The following FOXN3 variants were observed in gnomAD, a reference collection of about 807,000 sequenced individuals.
FOXN3 encodes forkhead box N3.
In FOXN3, 7 loss-of-function variants were observed where a neutral mutation model predicts 38.4. The ratio of observed to expected loss-of-function variants is 0.18; its 90% CI spans 0.10 to 0.34. The LOEUF is 0.34. Ranked by LOEUF, FOXN3 falls within the 10% of genes least tolerant of loss-of-function variation. The pLI is 1.00. For missense variants in FOXN3, 456 were observed against 613.4 expected (o/e 0.74, Z 2.71); for synonymous variants, 230 against 242.2 (o/e 0.95, Z 0.47).
At chr14:89,480,965 G>A (rs749439411) in intron 1 of FOXN3, among the ~76,000 whole-genome samples, 12 of 152,122 alleles carry the variant, frequency 7.9e-5, no homozygotes, top group Non-Finnish European at 1.2e-4. Context: ...GATTTTGTGG[G>A]TTTGGTTTTG....
chr14:89,611,761 G>T (rs936551746), intron 1 of FOXN3, among the ~76,000 whole-genome samples: 1 of 147,678 alleles, frequency 6.8e-6, no homozygotes, highest in South Asian at 2.1e-4. Flanking sequence ...AGCCGAGATC[G>T]TGCCACTGCA....
intron 1 of FOXN3, among the ~76,000 whole-genome samples, chr14:89,517,171 T>C (rs1030033892): frequency 6.6e-6 from 1 of 152,030 alleles, no homozygotes. Context: ...ACCAGACAGA[T>C]GGTCAACATG....
At chr14:89,366,030 T>A (rs867830290) in intron 2 of FOXN3, among the ~76,000 whole-genome samples, 4 of 152,086 alleles carry the variant, frequency 2.6e-5, no homozygotes, top group Non-Finnish European at 4.4e-5. Context: ...GGCGGGTGGA[T>A]CACGAGGTCA....
chr14:89,391,730 C>T (rs940061792), intron 2 of FOXN3, among the ~76,000 whole-genome samples: 8 of 152,140 alleles, frequency 5.3e-5, no homozygotes, highest in South Asian at 2.1e-4. Flanking sequence ...CCTGGCCGGG[C>T]GCGGTGGCTC....
intron 3 of FOXN3, among the ~76,000 whole-genome samples, chr14:89,322,537 A>T (rs1026842664): frequency 6.6e-6 from 1 of 152,188 alleles, no homozygotes; most frequent in Non-Finnish European, 1.5e-5. Flanking sequence ...AGGGGGCTGC[A>T]GAGGGAAGAA....
intron 3 of FOXN3, among the ~76,000 whole-genome samples, chr14:89,287,749 T>A (rs1886675766): frequency 3.9e-5 from 5 of 129,702 alleles, no homozygotes; most frequent in African/African-American, 5.9e-5. Context: ...TAAAGAATGC[T>A]AAAAAAAAAA....
chr14:89,211,308 A>G (rs780881246), intron 4 of FOXN3, among the ~76,000 whole-genome samples: 34 of 152,250 alleles, frequency 2.2e-4, no homozygotes, highest in Non-Finnish European at 3.8e-4. Context: ...TATTAACTAA[A>G]GGTAATAGGA....
chr14:89,188,234 C>A (rs1214203840), intron 4 of FOXN3, among the ~76,000 whole-genome samples: 3 of 152,180 alleles, frequency 2.0e-5, no homozygotes, highest in Non-Finnish European at 4.4e-5. Context: ...CGTGGCTACC[C>A]TGGAAAAAGA....
chr14:89,316,424 T>C (rs904109626), intron 3 of FOXN3, among the ~76,000 whole-genome samples: 2 of 152,148 alleles, frequency 1.3e-5, no homozygotes, highest in Non-Finnish European at 2.9e-5. Flanking sequence ...GGCTAGATCA[T>C]GGCTCACTGC....
upstream of FOXN3, among the ~76,000 whole-genome samples, chr14:89,418,487 A>T (rs542620715): frequency 7.4e-6 from 1 of 135,948 alleles, no homozygotes; most frequent in Admixed American, 8.2e-5. Context: ...TTCAGCAAAG[A>T]TGTGCCTTTC....
intron 1 of FOXN3, among the ~76,000 whole-genome samples, chr14:89,603,148 G>A (rs1451576353): frequency 6.6e-6 from 1 of 152,090 alleles, no homozygotes; most frequent in East Asian, 1.9e-4. Context: ...AGCCACATCT[G>A]GGCCTAGCCA....
At chr14:89,447,075 A>G (rs1283478270) in intron 1 of FOXN3, among the ~76,000 whole-genome samples, 3 of 152,046 alleles carry the variant, frequency 2.0e-5, no homozygotes, top group Non-Finnish European at 4.4e-5. Flanking sequence ...ATGCACCTGT[A>G]GTCCCAGCTA....
At chr14:89,551,368 G>A (rs1722643073) in intron 1 of FOXN3, among the ~76,000 whole-genome samples, 3 of 152,162 alleles carry the variant, frequency 2.0e-5, no homozygotes, top group Admixed American at 6.6e-5. Context: ...AATCCTAGAA[G>A]CAGAATAGGT....
chr14:89,340,992 C>T (rs970501437), intron 3 of FOXN3, among the ~76,000 whole-genome samples: 5 of 152,106 alleles, frequency 3.3e-5, no homozygotes, highest in Admixed American at 6.6e-5. Context: ...TTCATTTCCA[C>T]CTTATAAACT....
chr14:89,496,370 G>GGCT (rs10681363), intron 1 of FOXN3, among the ~76,000 whole-genome samples: 88,478 of 151,604 alleles, frequency 0.58, 26,768 homozygotes, highest in African/African-American at 0.71. Context: ...CAAGGCTTTA[G>GGCT]GAGTGCAGCA....
chr14:89,556,998 G>C (rs1040872917), intron 1 of FOXN3, among the ~76,000 whole-genome samples: 1 of 152,192 alleles, frequency 6.6e-6, no homozygotes, highest in Non-Finnish European at 1.5e-5. Context: ...CGGAACCTGT[G>C]GGGTGGGAAA....
intron 4 of FOXN3, among the ~76,000 whole-genome samples, chr14:89,201,509 C>T (rs1888233707): frequency 6.6e-6 from 1 of 152,174 alleles, no homozygotes; most frequent in Admixed American, 6.5e-5. Context: ...AATGGAGACT[C>T]CCAAGAGACC....
intron 5 of FOXN3, among the ~76,000 whole-genome samples, chr14:89,171,962 A>C (rs1887400917): frequency 6.6e-6 from 1 of 152,232 alleles, no homozygotes; most frequent in African/African-American, 2.4e-5. Flanking sequence ...TGTGCACAGA[A>C]GAATCTATAA....
intron 3 of FOXN3, among the ~76,000 whole-genome samples, chr14:89,339,242 G>C (rs555017120): frequency 6.6e-6 from 1 of 152,284 alleles, no homozygotes; most frequent in Admixed American, 6.5e-5. Flanking sequence ...CCAAAGTGCT[G>C]AGATTACAGG....
Sources: gnomAD v4.1 joint callset for allele counts (sites outside exome capture counted in the v4.1 genomes callset) on GRCh38, gnomAD v4.1.1 for gene constraint, MANE v1.5 for transcripts, NCBI Gene and HGNC (gene_info 2026-07-23, HGNC 2026-07-21) for gene names.